The following DDRGK1 variants were observed in gnomAD, a reference collection of about 807,000 sequenced individuals.
The protein encoded by DDRGK1 is DDRGK domain containing 1, also known as DDRGK domain-containing protein 1.
Under a neutral mutation model 45.8 loss-of-function variants are expected in DDRGK1, and 38 were observed. The observed-to-expected ratio is 0.83, with a 90% confidence interval of 0.64 to 1.09. The LOEUF (loss-of-function observed/expected upper bound fraction) is 1.09. DDRGK1 is among the 50% of genes least tolerant of loss of function. The pLI, the probability that DDRGK1 is intolerant of heterozygous loss-of-function variation, is 0.00. For missense variants in DDRGK1, 403 were observed against 419.9 expected (o/e 0.96, Z 0.35); for synonymous variants, 171 against 168.7 (o/e 1.01, Z -0.11).
rs769002400 is a variant in DDRGK1 at position 3,204,583 on chromosome 20, G to A, written c.45C>T (p.Val15=). The A allele has an allele frequency of 6.3e-7, 1 of 1,580,072 alleles. No individual in the cohort carries two copies. The highest frequency in any genetic ancestry group is 8.6e-7 in the Non-Finnish European group (1 of 1,168,724). The change falls in exon 1 of 9, where the codon GTC becomes GTT. Residue 15 remains valine (V), a synonymous_variant. Coordinates refer to ENST00000354488, the MANE Select transcript of DDRGK1 (RefSeq NM_023935.3). ...TGCGAGTCAGGAAGAGGATAAAGCC[G>A]ACTAGCAGAGCCGCCGCTACCAAGT... ...VWYLVAAALL[V]GFILFLTRSR...
rs528605435 is a variant in DDRGK1 at position 3,193,769 on chromosome 20, C to A, written c.672+1061G>T. Among the ~76,000 whole-genome samples, 36 of 152,302 alleles carry A rather than the reference C, an allele frequency of 2.4e-4. No homozygotes were observed. In the South Asian group the frequency reaches 3.9e-3, roughly 17 times the overall value. On this transcript the variant is annotated intron_variant, in intron 6 of 8. Coordinates refer to ENST00000354488, the MANE Select transcript of DDRGK1 (RefSeq NM_023935.3). ...AAAAGTGAGGGCTAGAACTGGGGAC[C>A]TTTCTTCTGGTTTCTGCAGAGTAAA...
In DDRGK1 at chr20:3,200,391, T is replaced by C; in HGVS notation, c.359A>G (p.Lys120Arg). The C allele has an allele frequency of 6.3e-7, 1 of 1,582,958 alleles. No individual in the cohort carries two copies. ...ETHLSGKIGA[K>R]KLRKLEEKQA... Reference sequence around the variant, plus strand: ...TTTCTCCTCCAGCTTCCGCAGTTTCTTAGCTCCAATTTTCCCCGACAGGTG... The same window carrying C: ...TTTCTCCTCCAGCTTCCGCAGTTTCCTAGCTCCAATTTTCCCCGACAGGTG... Residue 120 changes from lysine to arginine, a missense_variant, in exon 3 of 9, where the codon AAG becomes AGG. Lys to Arg is a conservative substitution (Grantham distance 26). Coordinates refer to ENST00000354488, the MANE Select transcript of DDRGK1 (RefSeq NM_023935.3).
chr20:3,195,329 C>T lies in DDRGK1; in HGVS notation c.535G>A (p.Glu179Lys), dbSNP rs2067005548. 9.3e-6 allele frequency: 15 copies of T among 1,607,518 alleles called. No homozygotes were observed. The highest frequency in any genetic ancestry group is 1.2e-5 in the Non-Finnish European group (14 of 1,176,750). ...TCATGCTCCCGCTGGGCCTGCTCCTCGCGGGCCTTCCTCTCCTCCTCCTCC... is the reference window on the plus strand; with the variant it reads ...TCATGCTCCCGCTGGGCCTGCTCCTTGCGGGCCTTCCTCTCCTCCTCCTCC... ...QKEEEERKAR[E>K]EQAQREHEEY... Residue 179 changes from glutamate to lysine, a missense_variant, in exon 5 of 9, where the codon GAG (glutamate) becomes AAG (lysine). Glu to Lys is a moderately conservative substitution (Grantham distance 56). Transcript: ENST00000354488.
rs747505353 is a variant in DDRGK1 at position 3,195,410 on chromosome 20, T to G, written c.511-57A>C. On this transcript the variant is annotated intron_variant, in intron 4 of 8. Coordinates refer to ENST00000354488, the MANE Select transcript of DDRGK1 (RefSeq NM_023935.3). Reference sequence around the variant, plus strand: ...GGGGGCAGAACAGGGCAGGCACCTGTTCTGGTTGCTGCTACCCCTGCAGGA... The same window carrying G: ...GGGGGCAGAACAGGGCAGGCACCTGGTCTGGTTGCTGCTACCCCTGCAGGA... 126 of 1,525,628 alleles carry G rather than the reference T, an allele frequency of 8.3e-5. 1 individual carries two copies. The highest frequency in any genetic ancestry group is 3.5e-4 in the Middle Eastern group (2 of 5,652). 94.5% of individuals were successfully genotyped at this position (1,525,628 alleles called of 1,614,324 possible). A position where few individuals can be genotyped will look rare whatever the true frequency, so the allele number is the denominator to read the frequency against.
At chr20:3,204,416 A>C (rs2067056323) in intron 1 of DDRGK1, 121 bp downstream of exon 1, 2 of 986,980 alleles carry the variant, frequency 2.0e-6, no homozygotes, top group East Asian at 2.6e-5. Flanking sequence ...TAGCGCACGG[A>C]CGCGCATGCG....
chr20:3,203,526 A>C (rs2067051496), intron 1 of DDRGK1, 110 bp from the exon 2 acceptor site: 1 of 1,362,946 alleles, frequency 7.3e-7, no homozygotes, highest in Admixed American at 3.3e-5. Context: ...CCTGCTGCCC[A>C]CAGCACAAGG....
At chr20:3,195,965 A>T (rs2067008277) in intron 4 of DDRGK1, among the ~76,000 whole-genome samples, 1 of 151,790 alleles carries the variant, frequency 6.6e-6, no homozygotes, top group South Asian at 2.1e-4. Flanking sequence ...TCCTTGGGCC[A>T]TTCTTCCCGC....
In DDRGK1 at chr20:3,198,564, G is replaced by A. The variant is rs151046314; in HGVS notation, c.510+1437C>T. 2.5e-3 allele frequency among the ~76,000 whole-genome samples: 385 copies of A among 151,036 alleles called. 3 individuals are homozygous for A. Among genetic ancestry groups the A allele is most frequent in the African/African-American group, 9.0e-3 (370 of 41,102 alleles). Reference sequence around the variant, plus strand: ...AAAAATACAAAATTAGCCGGGCGTGGTGGCACATGCCTGTAATCCCAGCTA... The same window carrying A: ...AAAAATACAAAATTAGCCGGGCGTGATGGCACATGCCTGTAATCCCAGCTA... On this transcript the variant is annotated intron_variant, in intron 4 of 8. Transcript: ENST00000354488.
At chr20:3,202,491 C>T (rs1168523873) in intron 2 of DDRGK1, among the ~76,000 whole-genome samples, 2 of 152,198 alleles carry the variant, frequency 1.3e-5, no homozygotes, top group African/African-American at 2.4e-5. Flanking sequence ...CCATCAAACC[C>T]TGGCTGAAAT....
chr20:3,201,427 C>T (rs1161792668), intron 2 of DDRGK1, among the ~76,000 whole-genome samples: 7 of 140,562 alleles, frequency 5.0e-5, no homozygotes, highest in Admixed American at 3.7e-4. Flanking sequence ...TGGTGTGAGC[C>T]GAGATCACGC....
At chr20:3,204,246 A>G (rs2067055279) in intron 1 of DDRGK1, among the ~76,000 whole-genome samples, 2 of 152,044 alleles carry the variant, frequency 1.3e-5, no homozygotes, top group African/African-American at 2.4e-5. Context: ...GACGGATGGG[A>G]GTGTGCGCCG....
chr20:3,192,566 A>G (rs963686874), intron 6 of DDRGK1, among the ~76,000 whole-genome samples: 1 of 152,168 alleles, frequency 6.6e-6, no homozygotes, highest in African/African-American at 2.4e-5. Context: ...CACTGAGCCC[A>G]CCCTTGAAAT....
intron 4 of DDRGK1, among the ~76,000 whole-genome samples, chr20:3,197,920 T>G (rs1282831291): frequency 1.8e-5 from 2 of 112,506 alleles, no homozygotes; most frequent in Admixed American, 1.9e-4. Flanking sequence ...AGACTGTATC[T>G]CAAAAAAAAA....
chr20:3,202,043 GAT>G, intron 2 of DDRGK1, among the ~76,000 whole-genome samples: 1 of 150,400 alleles, frequency 6.6e-6, no homozygotes. Flanking sequence ...GCAGTGGCGC[GAT>G]CTCGGCTCAC....
At chr20:3,196,972 C>T (rs1249741513) in intron 4 of DDRGK1, among the ~76,000 whole-genome samples, 1 of 152,002 alleles carries the variant, frequency 6.6e-6, no homozygotes, top group Non-Finnish European at 1.5e-5. Context: ...CTGGTAATCC[C>T]ACCACTTTGG....
chr20:3,200,537 CTAA>C, intron 2 of DDRGK1, 83 bp from the exon 3 acceptor site: 2 of 1,268,296 alleles, frequency 1.6e-6, no homozygotes, highest in Non-Finnish European at 1.1e-6. Context: ...CGTCCCTCCC[CTAA>C]CAGGGGGATC....
intron 6 of DDRGK1, 156 bp downstream of exon 6, chr20:3,194,674 T>C (rs1290481328): frequency 1.2e-5 from 11 of 943,424 alleles, no homozygotes; most frequent in East Asian, 2.6e-5. Context: ...GGAGAGAAAC[T>C]CTCCTGGCCA....
rs1021428644 is a variant in DDRGK1 at position 3,190,396 on chromosome 20, G to C, written c.*257C>G. 7.9e-6 allele frequency: 4 copies of C among 506,844 alleles called. No homozygotes were observed. The highest frequency in any genetic ancestry group is 1.4e-5 in the Non-Finnish European group (4 of 286,890). 31.4% of individuals were successfully genotyped at this position (506,844 alleles called of 1,614,324 possible). The stretch of plus-strand genomic sequence containing the variant: ...TCTTGAATGAATGGATTCATAATAA[G>C]AACAGGACTTCACCAGCTTCCAAGG... On this transcript the variant is annotated 3_prime_UTR_variant, in exon 9 of 9. Coordinates refer to ENST00000354488, the MANE Select transcript of DDRGK1 (RefSeq NM_023935.3).
rs142914025 is a variant in DDRGK1 at position 3,200,077 on chromosome 20, C to T, written c.434G>A (p.Arg145Gln). 21 of 1,613,880 alleles carry T rather than the reference C, an allele frequency of 1.3e-5. No homozygotes were observed. Among genetic ancestry groups the T allele is most frequent in the South Asian group, 7.7e-5 (7 of 91,062 alleles). ...TTCGCGCTGGGACTCGAGTCGTTTC[C>T]GCTCCTCACGTTCAGCCTCCTCTGC... ...REAEEAEREE[R>Q]KRLESQREAE... Residue 145 changes from arginine to glutamine, a missense_variant, in exon 4 of 9, where the codon CGG becomes CAG. Arg to Gln is a conservative substitution (Grantham distance 43). Transcript: ENST00000354488.
Sources: gnomAD v4.1 joint callset for allele counts (sites outside exome capture counted in the v4.1 genomes callset) on GRCh38, gnomAD v4.1.1 for gene constraint, MANE v1.5 for transcripts, NCBI Gene and HGNC (gene_info 2026-07-23, HGNC 2026-07-21) for gene names.